Variants in FRMPD4 observed in about 807,000 individuals in gnomAD.
The protein encoded by FRMPD4 is FERM and PDZ domain containing 4.
In FRMPD4, 22 loss-of-function variants were observed where a neutral mutation model predicts 94.1. The observed-to-expected ratio is 0.23, with a 90% confidence interval of 0.17 to 0.33. The LOEUF is 0.33. FRMPD4 is among the 10% of genes least tolerant of loss of function. FRMPD4 has a pLI of 1.00. For missense variants in FRMPD4, 1,111 were observed against 1,339.9 expected (o/e 0.83, Z 2.67); for synonymous variants, 631 against 548.6 (o/e 1.15, Z -2.10).
At chrX:12,159,960 G>T (rs2055996186) in intron 1 of FRMPD4, among the ~76,000 whole-genome samples, 2 of 111,428 alleles carry the variant, frequency 1.8e-5, no homozygotes, top group South Asian at 7.7e-4. Context: ...ACTGGGAAGG[G>T]CTAGAAAGAG....
intron 1 of FRMPD4, among the ~76,000 whole-genome samples, chrX:11,828,668 G>A (rs141971087): frequency 8.9e-6 from 1 of 112,084 alleles, no homozygotes; most frequent in African/African-American, 3.2e-5. Flanking sequence ...AGGATTGCTA[G>A]CCCACTGTTC....
intron 1 of FRMPD4, among the ~76,000 whole-genome samples, chrX:12,315,851 A>G (rs1380680914): frequency 8.9e-6 from 1 of 111,746 alleles, no homozygotes; most frequent in Non-Finnish European, 1.9e-5. Flanking sequence ...GGCAATGTCT[A>G]AAGACATTTT....
At chrX:11,862,988 A>ATC (rs199555275) in intron 1 of FRMPD4, among the ~76,000 whole-genome samples, 2 of 31,114 alleles carry the variant, frequency 6.4e-5, no homozygotes, top group Admixed American at 4.5e-4. Context: ...TTTTTGATGC[A>ATC]TCTCTCTCTC....
intron 1 of FRMPD4, among the ~76,000 whole-genome samples, chrX:12,357,148 A>G (rs2055906681): frequency 8.9e-6 from 1 of 112,175 alleles, no homozygotes; most frequent in Non-Finnish European, 1.9e-5. Flanking sequence ...TGTTGGAGGC[A>G]TCTAATCTCA....
chrX:12,718,700 C>T lies in FRMPD4; in HGVS notation c.3874C>T (p.Pro1292Ser), dbSNP rs780443219. The T allele has an allele frequency of 2.5e-6, 3 of 1,206,227 alleles. No homozygotes were observed. The highest frequency in any genetic ancestry group is 3.0e-5 in the East Asian group (1 of 33,751). ...TEGMCPRMTV[P>S]ALHTAINTEP... is the part of the protein sequence containing the mutation. ...AGGGATGTGTCCACGGATGACAGTGCCTGCTCTGCACACAGCCATTAACAC... is the reference window on the plus strand; with the variant it reads ...AGGGATGTGTCCACGGATGACAGTGTCTGCTCTGCACACAGCCATTAACAC... Residue 1292 changes from proline (P) to serine (S), a missense_variant, in exon 16 of 17, where the codon CCT becomes TCT. By Grantham distance (74) the Pro-to-Ser change is moderately conservative (BLOSUM62 -1). Around this residue, in one of 8 missense-constraint regions of FRMPD4, gnomAD observed 551 missense variants for 591.6 expected, o/e 0.93. Transcript: ENST00000675598.
intron 16 of FRMPD4, among the ~76,000 whole-genome samples, chrX:12,720,029 G>GAAA (rs1277244697): frequency 6.1e-5 from 2 of 32,913 alleles, no homozygotes; most frequent in South Asian, 1.6e-3. Context: ...GGAAAGGAAA[G>GAAA]GAAAGGAAAG....
At chrX:12,184,363 C>T (rs950104257) in intron 1 of FRMPD4, among the ~76,000 whole-genome samples, 4 of 111,503 alleles carry the variant, frequency 3.6e-5, no homozygotes, top group Non-Finnish European at 5.7e-5. Context: ...GGTAGACAAC[C>T]GTTGAGTTTG....
intron 2 of FRMPD4, among the ~76,000 whole-genome samples, chrX:11,867,994 C>T (rs1390930846): frequency 1.8e-5 from 2 of 111,908 alleles, no homozygotes; most frequent in Admixed American, 9.5e-5. Context: ...CTTTCCGCAG[C>T]CCCTACTCTT....
intron 1 of FRMPD4, among the ~76,000 whole-genome samples, chrX:12,386,673 A>C (rs1466864934): frequency 1.8e-5 from 2 of 112,023 alleles, no homozygotes; most frequent in Non-Finnish European, 3.8e-5. Flanking sequence ...TGTTTACCTA[A>C]TATGTCACTG....
intron 2 of FRMPD4, among the ~76,000 whole-genome samples, chrX:12,573,756 A>G (rs1013881711): frequency 8.9e-6 from 1 of 112,294 alleles, no homozygotes; most frequent in Non-Finnish European, 1.9e-5. Context: ...AACTATTTTC[A>G]CAATACAAAG....
At chrX:12,276,284 G>A (rs1044655616) in intron 1 of FRMPD4, among the ~76,000 whole-genome samples, 3 of 112,238 alleles carry the variant, frequency 2.7e-5, no homozygotes, top group East Asian at 2.8e-4. Context: ...ACCAAAGGAC[G>A]ATGACACAGT....
chrX:12,183,304 T>C (rs1307219289), intron 1 of FRMPD4, among the ~76,000 whole-genome samples: 2 of 111,469 alleles, frequency 1.8e-5, no homozygotes, highest in African/African-American at 6.5e-5. Flanking sequence ...ATGCATAATA[T>C]GCTTGGCTAA....
At chrX:12,070,526 C>T (rs966467730) in intron 3 of FRMPD4, among the ~76,000 whole-genome samples, 1 of 111,381 alleles carries the variant, frequency 9.0e-6, no homozygotes, top group Non-Finnish European at 1.9e-5. Flanking sequence ...GAATGTTATG[C>T]TGAGGCCATT....
At chrX:11,994,356 G>T (rs143774624) in intron 3 of FRMPD4, among the ~76,000 whole-genome samples, 1 of 111,140 alleles carries the variant, frequency 9.0e-6, no homozygotes, top group Non-Finnish European at 1.9e-5. Flanking sequence ...CTCCCCTAAT[G>T]GCCTGTGGAA....
At chrX:12,444,446 A>G (rs894296323) in intron 1 of FRMPD4, among the ~76,000 whole-genome samples, 1 of 111,880 alleles carries the variant, frequency 8.9e-6, no homozygotes, top group African/African-American at 3.2e-5. Flanking sequence ...TTGCAACTTC[A>G]AAAATGGAGA....
chrX:12,249,855 C>T (rs1033009342), intron 1 of FRMPD4, among the ~76,000 whole-genome samples: 3 of 110,670 alleles, frequency 2.7e-5, no homozygotes, highest in Admixed American at 9.6e-5. Context: ...CAAAAAAATC[C>T]CAACCTAGTC....
chrX:12,382,272 G>A (rs1434383098), intron 1 of FRMPD4, among the ~76,000 whole-genome samples: 1 of 111,727 alleles, frequency 9.0e-6, no homozygotes, highest in Non-Finnish European at 1.9e-5. Flanking sequence ...GAAACATAGG[G>A]GTTAGGAAAA....
chrX:12,248,819 A>G (rs2053992121), intron 1 of FRMPD4, among the ~76,000 whole-genome samples: 2 of 112,288 alleles, frequency 1.8e-5, no homozygotes. Context: ...CAGGTGGATC[A>G]CCTGAGGTCA....
At chrX:12,177,713 C>T (rs1218253281) in intron 1 of FRMPD4, among the ~76,000 whole-genome samples, 1 of 111,904 alleles carries the variant, frequency 8.9e-6, no homozygotes. Flanking sequence ...GTTTACGGAA[C>T]TTATTGAGTG....
Sources: gnomAD v4.1 joint callset for allele counts (sites outside exome capture counted in the v4.1 genomes callset) on GRCh38, gnomAD v4.1.1 for gene constraint, gnomAD v4.1.1 regional missense constraint, MANE v1.5 for transcripts, NCBI Gene and HGNC (gene_info 2026-07-23, HGNC 2026-07-21) for gene names.